Variants in GABPB1 observed in about 807,000 individuals in gnomAD.
The protein encoded by GABPB1 is GA-binding protein subunit beta-1.
A neutral mutation model predicts 45.9 loss-of-function variants in GABPB1; 15 were observed. The observed-to-expected ratio is 0.33, with a 90% CI of 0.22 to 0.50. GABPB1 has a LOEUF of 0.50. Among genes scored for constraint, GABPB1 ranks in the 20% least tolerant of loss-of-function variants. The pLI, the probability that GABPB1 is intolerant of heterozygous loss-of-function variation, is 0.98. For missense variants in GABPB1, 252 were observed against 457.5 expected (o/e 0.55, Z 4.10); for synonymous variants, 143 against 154.4 (o/e 0.93, Z 0.55).
Position 50,303,947 on chromosome 15 carries a change from G to A in GABPB1, c.276+19C>T, listed in dbSNP as rs1420759407. On this transcript the variant is annotated intron_variant, in intron 3 of 8. Transcript: ENST00000380877. ...CCGTAAAGTATTTTAAAAGCAAAGT[G>A]CAAAAAGAGAACACATACCTTAAGT... 2.2e-5 allele frequency: 34 copies of A among 1,556,354 alleles called. No homozygotes were observed. The highest frequency in any genetic ancestry group is 2.9e-5 in the Non-Finnish European group (33 of 1,153,320).
chr15:50,347,375 CT>C (rs1040472858), intron 1 of GABPB1: 1 of 152,042 alleles, frequency 6.6e-6, no homozygotes, highest in Non-Finnish European at 1.5e-5. Flanking sequence ...AGATCATTCA[CT>C]TACACACCAT....
chr15:50,300,436 G>GTTTCTTTTTTTTT (rs2046692528), intron 6 of GABPB1, among the ~76,000 whole-genome samples: 3 of 40,808 alleles, frequency 7.4e-5, no homozygotes, highest in Non-Finnish European at 7.9e-5. Context: ...ACTGTTTTTG[G>GTTTCTTTTTTTTT]TTTTTTTTTT....
intron 2 of GABPB1, among the ~76,000 whole-genome samples, 186 bp from the exon 3 acceptor site, chr15:50,304,319 A>G (rs2046864770): frequency 6.6e-6 from 1 of 152,202 alleles, no homozygotes; most frequent in African/African-American, 2.4e-5. Flanking sequence ...AACACTCTCA[A>G]TGAAGAAGAA....
At chr15:50,309,823 A>G in intron 1 of GABPB1, 25 bp from the exon 2 acceptor site, 1 of 1,360,612 alleles carries the variant, frequency 7.3e-7, no homozygotes, top group South Asian at 1.2e-5. Context: ...GATGAACTGA[A>G]CATCAAAATC....
At chr15:50,332,287 G>C (rs1189260791) in intron 1 of GABPB1, among the ~76,000 whole-genome samples, 1 of 151,818 alleles carries the variant, frequency 6.6e-6, no homozygotes, top group African/African-American at 2.4e-5. Flanking sequence ...CTCTGTTTCT[G>C]TTCTTTTGTT....
intron 1 of GABPB1, among the ~76,000 whole-genome samples, chr15:50,326,797 A>G (rs1004711467): frequency 1.3e-5 from 2 of 152,122 alleles, no homozygotes; most frequent in Admixed American, 6.6e-5. Flanking sequence ...TCACACTCCT[A>G]CACGCCAGCC....
In GABPB1 at chr15:50,276,937, A is replaced by G. The variant is rs2045846001; in HGVS notation, c.*1695T>C. 6.6e-6 allele frequency: 1 copy of G among 152,230 alleles called. No individual in the cohort carries two copies. The highest frequency in any genetic ancestry group is 1.5e-5 in the Non-Finnish European group (1 of 68,034). The allele number at this position is 152,230 out of a possible 1,614,324, so 9.4% of individuals were successfully genotyped here. A position where few individuals can be genotyped will look rare whatever the true frequency, so the allele number is the denominator to read the frequency against. On this transcript the variant is annotated 3_prime_UTR_variant, in exon 9 of 9. Transcript: ENST00000380877. ...AAAAACTAGTTTTTGGATCACTTAAAATATGTCAAATTTAGTGGAAAATTG... is the reference window on the plus strand; with the variant it reads ...AAAAACTAGTTTTTGGATCACTTAAGATATGTCAAATTTAGTGGAAAATTG...
rs1291271100 is a variant in GABPB1, at chr15:50,278,840, C to T, written c.1000-56G>A. 19 of 1,351,834 alleles carry T rather than the reference C, an allele frequency of 1.4e-5. No homozygotes were observed. The East Asian group carries it at 2.4e-4, about 17-fold the overall frequency. 83.7% of individuals were successfully genotyped at this position (1,351,834 alleles called of 1,614,324 possible). A position where few individuals can be genotyped will look rare whatever the true frequency, so the allele number is the denominator to read the frequency against. ...TTTTTGCAAAAATACATTATTAATA[C>T]ATATAAGCATGCATCCTTCAAATTA... On this transcript the variant is annotated intron_variant, in intron 8 of 8. Coordinates refer to ENST00000380877, the MANE Select transcript of GABPB1 (RefSeq NM_016654.5).
chr15:50,304,171 T>G (rs2046858172), intron 2 of GABPB1, 38 bp from the exon 3 acceptor site: 2 of 1,517,862 alleles, frequency 1.3e-6, no homozygotes, highest in Non-Finnish European at 1.8e-6. Flanking sequence ...ACATTTACAT[T>G]ATTGTTACTA....
chr15:50,278,864 T>TAAAA, intron 8 of GABPB1, 80 bp from the exon 9 acceptor site: 2 of 916,050 alleles, frequency 2.2e-6, no homozygotes, highest in Non-Finnish European at 3.0e-6. Context: ...TCCTTCAAAT[T>TAAAA]AAAAAAAAAA....
intron 3 of GABPB1, among the ~76,000 whole-genome samples, chr15:50,303,719 T>G (rs1257907541): frequency 2.0e-5 from 3 of 150,894 alleles, no homozygotes; most frequent in Non-Finnish European, 4.4e-5. Flanking sequence ...CTGTAGTCCC[T>G]CATCATAAGA....
chr15:50,314,966 T>TATA (rs1207133980), intron 1 of GABPB1, among the ~76,000 whole-genome samples: 9 of 152,236 alleles, frequency 5.9e-5, no homozygotes, highest in Non-Finnish European at 1.2e-4. Context: ...TATGTGCTGG[T>TATA]ATAAGTATTT....
chr15:50,352,774 T>C (rs1207570702), intron 1 of GABPB1: 2 of 152,240 alleles, frequency 1.3e-5, no homozygotes, highest in Non-Finnish European at 2.9e-5. Flanking sequence ...AACTATAGAC[T>C]GACAGATTCA....
chr15:50,301,801 T>C (rs148461834), intron 4 of GABPB1, among the ~76,000 whole-genome samples: 1,740 of 152,196 alleles, frequency 0.011, 9 homozygotes, highest in Non-Finnish European at 0.019. Context: ...AAAAAATATT[T>C]CTGCCCTGTA....
intron 1 of GABPB1, among the ~76,000 whole-genome samples, chr15:50,322,980 G>A (rs2047627384): frequency 6.6e-6 from 1 of 152,178 alleles, no homozygotes. Flanking sequence ...AGTGAGCCAT[G>A]ATCGCACCAC....
chr15:50,327,924 T>C (rs2047825562), intron 1 of GABPB1, among the ~76,000 whole-genome samples: 1 of 151,820 alleles, frequency 6.6e-6, no homozygotes. Context: ...ATGCGCCTAC[T>C]CTTTGACCTA....
At chr15:50,342,823 G>C (rs1174506178) in intron 1 of GABPB1, among the ~76,000 whole-genome samples, 1 of 152,196 alleles carries the variant, frequency 6.6e-6, no homozygotes, top group Admixed American at 6.5e-5. Flanking sequence ...TTGTTAGATA[G>C]GTTTCAAGGT....
chr15:50,310,152 G>T (rs184860036), intron 1 of GABPB1, among the ~76,000 whole-genome samples: 12 of 152,200 alleles, frequency 7.9e-5, no homozygotes, highest in African/African-American at 1.2e-4. Flanking sequence ...GAGTGCAGTG[G>T]CACGATGTTG....
chr15:50,276,557 A>G lies in GABPB1; in HGVS notation c.*2075T>C, dbSNP rs2045840996. On this transcript the variant is annotated 3_prime_UTR_variant, in exon 9 of 9. Coordinates refer to ENST00000380877, the MANE Select transcript of GABPB1 (RefSeq NM_016654.5). ...TCTCCCATCTATGCCAGCTGTTGTT[A>G]TTAGGAATCAAAATTATTTCTTGCA... 1 of 152,216 alleles carries G rather than the reference A, an allele frequency of 6.6e-6. No homozygotes were observed. Among genetic ancestry groups the G allele is most frequent in the Admixed American group, 6.5e-5 (1 of 15,290 alleles). 9.4% of individuals were successfully genotyped at this position (152,216 alleles called of 1,614,324 possible). A position where few individuals can be genotyped will look rare whatever the true frequency, so the allele number is the denominator to read the frequency against.
Sources: gnomAD v4.1 joint callset for allele counts (sites outside exome capture counted in the v4.1 genomes callset) on GRCh38, gnomAD v4.1.1 for gene constraint, MANE v1.5 for transcripts, NCBI Gene and HGNC (gene_info 2026-07-23, HGNC 2026-07-21) for gene names.